Variants in SPP2 observed in about 807,000 individuals in gnomAD.
The protein encoded by SPP2 is secreted phosphoprotein 2, also known as secreted phosphoprotein 24.
In SPP2, 34 loss-of-function variants were observed where a neutral mutation model predicts 28.8. That is an observed-to-expected ratio of 1.18 (90% CI 0.90 to 1.57). The LOEUF (loss-of-function observed/expected upper bound fraction) is 1.57. SPP2 is among the 40% of genes most tolerant of loss of function. The probability of loss-of-function intolerance (pLI) is 0.00; values close to 1 mark genes in which losing one functional copy is unlikely to be tolerated. For synonymous variants in SPP2, 96 were observed against 89.4 expected (o/e 1.07, Z -0.42); for missense variants, 269 against 263.9 (o/e 1.02, Z -0.13).
intron 2 of SPP2, 49 bp downstream of exon 2, chr2:234,051,144 C>T (rs1244789105): frequency 5.6e-6 from 9 of 1,595,390 alleles, no homozygotes; most frequent in South Asian, 5.6e-5. Flanking sequence ...ATGCTGTCTG[C>T]CTTTTGTCAG....
At chr2:234,066,871 G>A (rs961548645) in intron 5 of SPP2, among the ~76,000 whole-genome samples, 3 of 152,206 alleles carry the variant, frequency 2.0e-5, no homozygotes, top group Non-Finnish European at 4.4e-5. Flanking sequence ...CGGAGCCAGT[G>A]TTGGTTTTCC....
intron 4 of SPP2, 43 bp downstream of exon 4, chr2:234,060,522 G>GGCT: frequency 6.7e-7 from 1 of 1,502,646 alleles, no homozygotes; most frequent in Non-Finnish European, 9.2e-7. Flanking sequence ...CACCTCTTAG[G>GGCT]GTCTGTGTGG....
At position 234,063,685 on chromosome 2, in the gene SPP2, G is replaced by GC. The variant is rs544429135; in HGVS notation, c.445-2844dup. 3.5e-3 allele frequency among the ~76,000 whole-genome samples: 537 copies of GC among 152,244 alleles called. 5 individuals are homozygous for GC. Among genetic ancestry groups the GC allele is most frequent in the African/African-American group, 0.012 (518 of 41,548 alleles). On this transcript the variant is annotated intron_variant, in intron 4 of 7. Coordinates refer to ENST00000168148, the MANE Select transcript of SPP2 (RefSeq NM_006944.3). ...CTCACTCAACCTCGTACTGGTGCAG[G>GC]CCCCATCAGGAGTACGATGCTGAAA...
At position 234,050,807 on chromosome 2, in the gene SPP2, G is replaced by C. The variant is rs1574818367; in HGVS notation, c.21G>C (p.Lys7Asn). 1 of 1,614,014 alleles carries C rather than the reference G, an allele frequency of 6.2e-7. No individual in the cohort carries two copies. The highest frequency in any genetic ancestry group is 2.2e-5 in the East Asian group (1 of 44,876). MISRME[K>N]MTMMMKILIM... ...CAATCATGATTTCCAGAATGGAGAA[G>C]ATGACGATGATGATGAAGATATTGA... Residue 7 changes from lysine to asparagine, a missense_variant, in exon 1 of 8, where the codon AAG becomes AAC. By Grantham distance (94) the Lys-to-Asn change is moderately conservative. Coordinates refer to ENST00000168148, the MANE Select transcript of SPP2 (RefSeq NM_006944.3).
chr2:234,068,457 C>T (rs1442918037), intron 6 of SPP2, among the ~76,000 whole-genome samples: 1 of 152,144 alleles, frequency 6.6e-6, no homozygotes, highest in African/African-American at 2.4e-5. Context: ...TTCAGCATTC[C>T]CCATTAAAAT....
At chr2:234,056,703 T>C (rs985542000) in intron 2 of SPP2, among the ~76,000 whole-genome samples, 12 of 152,084 alleles carry the variant, frequency 7.9e-5, no homozygotes, top group Non-Finnish European at 1.6e-4. Flanking sequence ...TGGGAGAGAT[T>C]TTTATTTTTT....
At chr2:234,052,392 A>C (rs1365099710) in intron 2 of SPP2, among the ~76,000 whole-genome samples, 2 of 152,170 alleles carry the variant, frequency 1.3e-5, no homozygotes, top group Non-Finnish European at 2.9e-5. Flanking sequence ...GTTTAAATTT[A>C]CTTTTGATTT....
chr2:234,061,811 C>A (rs1693724822), intron 4 of SPP2, among the ~76,000 whole-genome samples: 1 of 152,190 alleles, frequency 6.6e-6, no homozygotes, highest in South Asian at 2.1e-4. Context: ...TTCAGTTGAG[C>A]ACGGCCTTAT....
At position 234,050,772 on chromosome 2, in the gene SPP2, C is replaced by T. The variant is rs1255403536; in HGVS notation, c.-15C>T. The T allele has an allele frequency of 6.2e-7, 1 of 1,611,784 alleles. No individual in the cohort carries two copies. The highest frequency in any genetic ancestry group is 1.3e-5 in the African/African-American group (1 of 74,990). ...AAACACATAGAGAGACACTCTCTGT[C>T]TCTCGATTACAATCATGATTTCCAG... On this transcript the variant is annotated 5_prime_UTR_variant, in exon 1 of 8. Transcript: ENST00000168148.
At chr2:234,057,933 A>G (rs1297784419) in intron 2 of SPP2, among the ~76,000 whole-genome samples, 1 of 152,206 alleles carries the variant, frequency 6.6e-6, no homozygotes, top group African/African-American at 2.4e-5. Flanking sequence ...TACTTGTAGT[A>G]GTTATGTTGT....
At chr2:234,059,466 G>A (rs1223311538) in intron 3 of SPP2, among the ~76,000 whole-genome samples, 2 of 152,104 alleles carry the variant, frequency 1.3e-5, no homozygotes, top group Non-Finnish European at 2.9e-5. Flanking sequence ...GCAGGACCAT[G>A]AAAACCTAAC....
rs935655623 is a variant in SPP2 at position 234,073,817 on chromosome 2, G to C, written c.*11-3028G>C. ...AGTTCCTAAACTATGCCCAAGAGCA[G>C]CAAAGGGGGCAGTTCTTATTGAGGC... On this transcript the variant is annotated intron_variant, in intron 7 of 7. Transcript: ENST00000168148. 1.1e-4 allele frequency among the ~76,000 whole-genome samples: 16 copies of C among 152,314 alleles called. 1 individual carries two copies. Among genetic ancestry groups the C allele is most frequent in the African/African-American group, 3.8e-4 (16 of 41,564 alleles).
intron 7 of SPP2, among the ~76,000 whole-genome samples, chr2:234,076,252 C>A (rs367748527): frequency 3.9e-4 from 60 of 152,226 alleles, no homozygotes; most frequent in African/African-American, 1.4e-3. Flanking sequence ...CATGGGAGAA[C>A]CTCACACAGC....
intron 7 of SPP2, among the ~76,000 whole-genome samples, chr2:234,072,845 G>T (rs1349643383): frequency 1.3e-5 from 2 of 152,094 alleles, no homozygotes. Flanking sequence ...TCCTTCAAGG[G>T]TTTATTATTA....
intron 2 of SPP2, among the ~76,000 whole-genome samples, chr2:234,054,813 G>T (rs1352036696): frequency 2.6e-5 from 4 of 152,174 alleles, no homozygotes; most frequent in Non-Finnish European, 5.9e-5. Context: ...TGAGATGCTG[G>T]TGTGGGGTCT....
intron 6 of SPP2, among the ~76,000 whole-genome samples, chr2:234,068,600 C>A (rs2125468337): frequency 6.6e-6 from 1 of 151,974 alleles, no homozygotes; most frequent in African/African-American, 2.4e-5. Flanking sequence ...ATATCTCATC[C>A]AAGTTGTCAC....
chr2:234,052,079 T>C (rs774280198), intron 2 of SPP2, among the ~76,000 whole-genome samples: 4 of 152,176 alleles, frequency 2.6e-5, no homozygotes, highest in Non-Finnish European at 4.4e-5. Context: ...TCAAGGGAAA[T>C]GAATCAAAAG....
intron 2 of SPP2, among the ~76,000 whole-genome samples, chr2:234,054,394 A>T (rs1693564138): frequency 6.6e-6 from 1 of 152,154 alleles, no homozygotes; most frequent in Admixed American, 6.5e-5. Flanking sequence ...AGCTTGGGCC[A>T]CCGTAACAAA....
At chr2:234,073,069 G>A (rs988744286) in intron 7 of SPP2, among the ~76,000 whole-genome samples, 62 of 152,126 alleles carry the variant, frequency 4.1e-4, no homozygotes, top group African/African-American at 1.5e-3. Context: ...TGTATTTTTA[G>A]TAGAGATGGG....
Sources: allele counts gnomAD v4.1 joint callset (sites outside exome capture counted in the v4.1 genomes callset), GRCh38; gene constraint gnomAD v4.1.1; transcripts MANE v1.5; gene names NCBI Gene and HGNC (gene_info 2026-07-23, HGNC 2026-07-21).